CEBPZOS: variants seen among roughly 807,000 people sequenced by gnomAD.
CEBPZOS encodes protein CEBPZOS.
Under a neutral mutation model 4.8 loss-of-function variants are expected in CEBPZOS, and 10 were observed. The ratio of observed to expected loss-of-function variants is 2.07; its 90% CI spans 1.28 to 3.52. The LOEUF is 3.52. CEBPZOS is among the 30% of genes most tolerant of loss of function. The pLI, the probability that CEBPZOS is intolerant of heterozygous loss-of-function variation, is 0.00. For missense variants in CEBPZOS, 98 were observed against 43.6 expected (o/e 2.25, Z -3.51); for synonymous variants, 25 against 14.2 (o/e 1.77, Z -1.72).
intron 1 of CEBPZOS, among the ~76,000 whole-genome samples, chr2:37,198,003 A>G (rs1017908911): frequency 6.6e-6 from 1 of 152,102 alleles, no homozygotes; most frequent in African/African-American, 2.4e-5. Context: ...CTACTAAAAT[A>G]CAAAAAATTT....
chr2:37,198,193 G>C (rs1183745044), intron 1 of CEBPZOS, among the ~76,000 whole-genome samples: 6 of 152,024 alleles, frequency 3.9e-5, no homozygotes, highest in African/African-American at 1.4e-4. Flanking sequence ...AACCCCAAGA[G>C]AGGCATCTGT....
Position 37,203,136 on chromosome 2 carries a change from A to G in CEBPZOS, c.*1276A>G, listed in dbSNP as rs1053715987. On this transcript the variant is annotated 3_prime_UTR_variant, in exon 5 of 5. Coordinates refer to ENST00000402297, the MANE Select transcript of CEBPZOS (RefSeq NM_001322374.2). ...ACAATTGCAATAATCTTCTGGCACC[A>G]TTGGGTAGCTGGCATTTAAATATAA... 2 of 567,126 alleles carry G rather than the reference A, an allele frequency of 3.5e-6. No individual in the cohort carries two copies. Among genetic ancestry groups the G allele is most frequent in the Non-Finnish European group, 6.0e-6 (2 of 334,080 alleles). The allele number at this position is 567,126 out of a possible 1,614,324, so 35.1% of individuals were successfully genotyped here.
At chr2:37,214,650 T>C (rs1284674122), downstream of CEBPZOS, among the ~76,000 whole-genome samples, 1 of 152,222 alleles carries the variant, frequency 6.6e-6, no homozygotes, top group African/African-American at 2.4e-5. Flanking sequence ...GACGGATTTG[T>C]AAATTTTCTT....
chr2:37,215,981 T>C (rs1677857632), downstream of CEBPZOS: 2 of 479,168 alleles, frequency 4.2e-6, no homozygotes, highest in Non-Finnish European at 7.2e-6. Flanking sequence ...CCCAGTCAGA[T>C]ACAGTAGATT....
intron 2 of CEBPZOS, among the ~76,000 whole-genome samples, chr2:37,200,178 T>G (rs1677148949): frequency 1.3e-5 from 2 of 152,222 alleles, no homozygotes; most frequent in African/African-American, 4.8e-5. Context: ...TAACTGGTAT[T>G]GCTGTTTTCT....
Position 37,204,467 on chromosome 2 carries a change from G to A in CEBPZOS, c.*2607G>A. ...TAATTTTTGTATTTTTAGTAGAGAT[G>A]GGGTTTCATCATGTTGGCCAGGATG... On this transcript the variant is annotated 3_prime_UTR_variant, in exon 5 of 5. Transcript: ENST00000402297. 1.4e-5 allele frequency: 2 copies of A among 145,838 alleles called. No individual in the cohort carries two copies. The highest frequency in any genetic ancestry group is 3.1e-5 in the Non-Finnish European group (2 of 65,550). 9.0% of individuals were successfully genotyped at this position (145,838 alleles called of 1,614,324 possible).
Position 37,202,608 on chromosome 2 carries a change from G to A in CEBPZOS, c.*748G>A, listed in dbSNP as rs1677310386. 2 of 371,580 alleles carry A rather than the reference G, an allele frequency of 5.4e-6. No individual in the cohort carries two copies. Among genetic ancestry groups the A allele is most frequent in the Non-Finnish European group, 4.5e-6 (1 of 221,684 alleles). 23.0% of individuals were successfully genotyped at this position (371,580 alleles called of 1,614,324 possible). ...TGCAGTGAGCCAAGATCATGCCACT[G>A]CATTCCAACCTGGGCAAGGGAGTGA... On this transcript the variant is annotated 3_prime_UTR_variant, in exon 5 of 5. Transcript: ENST00000402297.
At chr2:37,206,198 C>T (rs1158959600), downstream of CEBPZOS, among the ~76,000 whole-genome samples, 1 of 152,176 alleles carries the variant, frequency 6.6e-6, no homozygotes, top group East Asian at 1.9e-4. Flanking sequence ...GTGCAGCTCC[C>T]ACATGGATGG....
downstream of CEBPZOS, among the ~76,000 whole-genome samples, chr2:37,206,253 C>T (rs775573513): frequency 9.9e-5 from 15 of 152,208 alleles, no homozygotes; most frequent in Non-Finnish European, 2.1e-4. Context: ...TAAAAGGTAT[C>T]CAACAAAACT....
At chr2:37,197,425 T>A (rs988379674) in intron 1 of CEBPZOS, 2 of 152,250 alleles carry the variant, frequency 1.3e-5, no homozygotes, top group African/African-American at 4.8e-5. Flanking sequence ...CCGTACAGTA[T>A]TATTCGCACT....
downstream of CEBPZOS, chr2:37,214,101 T>C (rs1371600114): frequency 2.1e-6 from 1 of 483,496 alleles, no homozygotes; most frequent in East Asian, 3.5e-5. Context: ...GACTGAAATT[T>C]GTATCTAATA....
At chr2:37,204,802 TA>T (rs1397243889), downstream of CEBPZOS, 1 of 152,256 alleles carries the variant, frequency 6.6e-6, no homozygotes, top group African/African-American at 2.4e-5. Context: ...CATCCAAAAC[TA>T]TTATCAATTG....
At chr2:37,213,805 C>T, downstream of CEBPZOS, 2 of 1,128,146 alleles carry the variant, frequency 1.8e-6, no homozygotes, top group Non-Finnish European at 2.6e-6. Context: ...ACTAATGTTC[C>T]ATGGTCTATT....
rs531479622 is a variant in CEBPZOS, at chr2:37,204,277, A to ATTTTTTTTTTTTTTTTTTTTTTTTT, written c.*2436_*2437insTTTTTTTTTTTTTTTTTTTTTTTTT. On this transcript the variant is annotated 3_prime_UTR_variant, in exon 5 of 5. Coordinates refer to ENST00000402297, the MANE Select transcript of CEBPZOS (RefSeq NM_001322374.2). ...TAACACCATGCCTGGCTAATTTTTG[A>ATTTTTTTTTTTTTTTTTTTTTTTTT]TTTTTTTTTTTTTTTTTTTGAGACA... 1 of 109,300 alleles carries ATTTTTTTTTTTTTTTTTTTTTTTTT rather than the reference A, an allele frequency of 9.1e-6. No individual in the cohort carries two copies. Among genetic ancestry groups the ATTTTTTTTTTTTTTTTTTTTTTTTT allele is most frequent in the Non-Finnish European group, 1.9e-5 (1 of 53,582 alleles). The allele number at this position is 109,300 out of a possible 1,614,324, so 6.8% of individuals were successfully genotyped here.
chr2:37,199,127 C>T (rs1256572840), intron 1 of CEBPZOS, among the ~76,000 whole-genome samples: 1 of 152,064 alleles, frequency 6.6e-6, no homozygotes, highest in Non-Finnish European at 1.5e-5. Context: ...AACTATGGCA[C>T]AGTTTAGTAT....
intron 2 of CEBPZOS, among the ~76,000 whole-genome samples, chr2:37,200,831 T>C (rs891369967): frequency 2.0e-5 from 3 of 152,174 alleles, no homozygotes; most frequent in Non-Finnish European, 4.4e-5. Context: ...GGATTGTGAC[T>C]GTGCCACTGT....
chr2:37,209,697 C>G (rs934713414), downstream of CEBPZOS: 1 of 152,118 alleles, frequency 6.6e-6, no homozygotes, highest in Non-Finnish European at 1.5e-5. Flanking sequence ...TAGAATATAA[C>G]ATTGGAAAAA....
Position 37,201,734 on chromosome 2 carries a change from G to C in CEBPZOS, c.*2+8G>C. The C allele has an allele frequency of 8.1e-7, 1 of 1,234,550 alleles. No homozygotes were observed. Among genetic ancestry groups the C allele is most frequent in the African/African-American group, 1.5e-5 (1 of 67,000 alleles). The allele number at this position is 1,234,550 out of a possible 1,614,324, so 76.5% of individuals were successfully genotyped here. On this transcript the variant is annotated splice_region_variant and intron_variant, in intron 4 of 4. Coordinates refer to ENST00000402297, the MANE Select transcript of CEBPZOS (RefSeq NM_001322374.2). ...GAACAGCAAAAATTAGATGTAAGTAGAATTTTAATCTATAATTTACATTAA... is the reference window on the plus strand; with the variant it reads ...GAACAGCAAAAATTAGATGTAAGTACAATTTTAATCTATAATTTACATTAA...
chr2:37,203,539 T>C lies in CEBPZOS; in HGVS notation c.*1679T>C, dbSNP rs1032154393. On this transcript the variant is annotated 3_prime_UTR_variant, in exon 5 of 5. Transcript: ENST00000402297. ...TTATTCAAACTCTGCATCTTTGATA[T>C]CAATGTCTCTAGCAGTAGTAGAGCC... The C allele has an allele frequency of 1.3e-5, 2 of 152,272 alleles. No individual in the cohort carries two copies. Among genetic ancestry groups the C allele is most frequent in the Non-Finnish European group, 2.9e-5 (2 of 68,070 alleles). The allele number at this position is 152,272 out of a possible 1,614,324, so 9.4% of individuals were successfully genotyped here.
Sources: gnomAD v4.1 joint callset for allele counts (sites outside exome capture counted in the v4.1 genomes callset) on GRCh38, gnomAD v4.1.1 for gene constraint, MANE v1.5 for transcripts, NCBI Gene and HGNC (gene_info 2026-07-23, HGNC 2026-07-21) for gene names.